PCDHA11: variants seen among roughly 807,000 people sequenced by gnomAD.
PCDHA11 encodes the protein protocadherin alpha-11.
In PCDHA11, 61 loss-of-function variants were observed where a neutral mutation model predicts 70.3. That is an observed-to-expected ratio of 0.87 (90% confidence interval 0.71 to 1.07). PCDHA11 has a LOEUF of 1.07. Among genes scored for constraint, PCDHA11 ranks in the 50% least tolerant of loss-of-function variants. PCDHA11 has a pLI of 0.00. For missense variants in PCDHA11, 1,324 were observed against 1,237.5 expected (o/e 1.07, Z -1.05); for synonymous variants, 633 against 555.1 (o/e 1.14, Z -1.97).
chr5:140,974,744 T>A (rs966437450), intron 1 of PCDHA11, among the ~76,000 whole-genome samples: 11 of 152,144 alleles, frequency 7.2e-5, no homozygotes, highest in African/African-American at 2.4e-4. Context: ...CACCTTGGCC[T>A]CCCAAAGTGC....
At chr5:140,969,170 G>A in intron 1 of PCDHA11, 1 of 1,614,114 alleles carries the variant, frequency 6.2e-7, no homozygotes. Flanking sequence ...AGCAGGCTCA[G>A]GGAGTGACAC....
intron 1 of PCDHA11, chr5:140,966,420 G>C (rs2096000872): frequency 2.4e-6 from 1 of 421,302 alleles, no homozygotes; most frequent in South Asian, 1.0e-4. Flanking sequence ...AGCAGGACTT[G>C]CTGAGCCCTC....
Position 140,921,480 on chromosome 5 carries a change from A to G in PCDHA11, c.2391+49986A>G, listed in dbSNP as rs201609452. On this transcript the variant is annotated intron_variant, in intron 1 of 3. Coordinates refer to ENST00000398640, the MANE Select transcript of PCDHA11 (RefSeq NM_018902.5). ...CCTGCAACCACTACCAAACCACTCT[A>G]CCTGAGATTAGTTTATTAGATAGTG... 4.8e-4 allele frequency among the ~76,000 whole-genome samples: 73 copies of G among 152,306 alleles called. No homozygotes were observed. In the East Asian group the frequency reaches 0.011, roughly 22 times the overall value.
rs1422466475 is a variant in PCDHA11 at position 140,877,665 on chromosome 5, G to A, written c.2391+6171G>A. 5.0e-6 allele frequency: 8 copies of A among 1,613,522 alleles called. No homozygotes were observed. In the African/African-American group the frequency reaches 8.0e-5, roughly 16 times the overall value. On this transcript the variant is annotated intron_variant, in intron 1 of 3. Coordinates refer to ENST00000398640, the MANE Select transcript of PCDHA11 (RefSeq NM_018902.5). ...GCTCAGCGCCGCCCACCGTGAGCCGGTGCGCGCCGGGCAAGCCCACGCTGG... is the reference window on the plus strand; with the variant it reads ...GCTCAGCGCCGCCCACCGTGAGCCGATGCGCGCCGGGCAAGCCCACGCTGG...
intron 1 of PCDHA11, chr5:140,927,103 C>T: frequency 6.2e-7 from 1 of 1,613,768 alleles, no homozygotes; most frequent in Non-Finnish European, 8.5e-7. Flanking sequence ...GGTGGATCTA[C>T]CCAGCGGCAA....
chr5:140,932,637 T>G (rs1554209011), intron 1 of PCDHA11, among the ~76,000 whole-genome samples: 2 of 151,870 alleles, frequency 1.3e-5, no homozygotes, highest in Non-Finnish European at 3.0e-5. Flanking sequence ...TAAAAAACTT[T>G]AGAATGATGA....
intron 1 of PCDHA11, among the ~76,000 whole-genome samples, chr5:140,908,772 A>G (rs2074146123): frequency 6.6e-6 from 1 of 152,144 alleles, no homozygotes; most frequent in East Asian, 1.9e-4. Flanking sequence ...CGTGTTGTAG[A>G]GTCTTCTCCT....
intron 1 of PCDHA11, among the ~76,000 whole-genome samples, chr5:140,915,068 ACTGAGTAG>A (rs2076964271): frequency 1.3e-5 from 2 of 150,322 alleles, no homozygotes; most frequent in South Asian, 4.2e-4. Context: ...GCCTTAGCCT[ACTGAGTAG>A]CTGGGACTAT....
Position 140,993,501 on chromosome 5 carries a change from C to CAT in PCDHA11, c.2539+10939_2539+10940insTA, listed in dbSNP as rs1159844142. Among the ~76,000 whole-genome samples the CAT allele has an allele frequency of 9.9e-4, 148 of 149,100 alleles. 5 individuals carry two copies. In the East Asian group the frequency reaches 0.024, roughly 24 times the overall value. On this transcript the variant is annotated intron_variant, in intron 3 of 3. Transcript: ENST00000398640. ...ACACACACACACACACACACACACA[C>CAT]ACACACACGGGGAGAGAGAGACAGA...
chr5:141,001,370 T>G (rs1187805238), intron 3 of PCDHA11, among the ~76,000 whole-genome samples: 1 of 152,218 alleles, frequency 6.6e-6, no homozygotes, highest in African/African-American at 2.4e-5. Context: ...ACTATTCTGA[T>G]TACAGAGCCT....
chr5:140,971,547 C>T (rs904044424), intron 1 of PCDHA11, among the ~76,000 whole-genome samples: 3 of 152,074 alleles, frequency 2.0e-5, no homozygotes, highest in Non-Finnish European at 4.4e-5. Flanking sequence ...GCCAGATCAA[C>T]CTGTTAAATT....
intron 1 of PCDHA11, among the ~76,000 whole-genome samples, chr5:140,961,708 A>C (rs2095630610): frequency 6.6e-6 from 1 of 152,204 alleles, no homozygotes; most frequent in Non-Finnish European, 1.5e-5. Flanking sequence ...GAATGCCTTC[A>C]TTTCTAAGTG....
intron 3 of PCDHA11, among the ~76,000 whole-genome samples, chr5:140,995,529 C>T (rs1191657600): frequency 6.6e-6 from 1 of 152,078 alleles, no homozygotes. Context: ...GAAATCAAAC[C>T]TCAAATAAGG....
intron 1 of PCDHA11, chr5:140,876,222 G>T (rs923525457): frequency 6.2e-7 from 1 of 1,613,972 alleles, no homozygotes; most frequent in Non-Finnish European, 8.5e-7. Flanking sequence ...ATAAAGTAGT[G>T]TTGTCTGAAA....
At chr5:140,942,580 G>A (rs782743450) in intron 1 of PCDHA11, among the ~76,000 whole-genome samples, 4 of 151,104 alleles carry the variant, frequency 2.6e-5, no homozygotes, top group Non-Finnish European at 5.9e-5. Flanking sequence ...TCCCATATAG[G>A]ATGTCACATA....
intron 3 of PCDHA11, among the ~76,000 whole-genome samples, chr5:140,997,129 C>A (rs983112049): frequency 6.6e-6 from 1 of 151,976 alleles, no homozygotes; most frequent in Non-Finnish European, 1.5e-5. Flanking sequence ...ATACACAATG[C>A]CCCCACACCC....
chr5:141,007,679 T>A (rs1362984196), intron 3 of PCDHA11, among the ~76,000 whole-genome samples: 2 of 152,186 alleles, frequency 1.3e-5, no homozygotes, highest in Admixed American at 6.5e-5. Context: ...ACAAAAGTTA[T>A]CCTACTTCCA....
intron 1 of PCDHA11, chr5:140,877,965 G>A (rs1049843517): frequency 1.8e-5 from 23 of 1,304,904 alleles, no homozygotes; most frequent in Non-Finnish European, 2.2e-5. Context: ...CATCTTTCTT[G>A]GTCATTCTTA....
chr5:140,876,837 C>G (rs782753877), intron 1 of PCDHA11: 3 of 1,614,148 alleles, frequency 1.9e-6, no homozygotes, highest in African/African-American at 1.3e-5. Context: ...CGCCTGCGTT[C>G]GCGCAGCCCG....
Sources: allele counts gnomAD v4.1 joint callset (sites outside exome capture counted in the v4.1 genomes callset), GRCh38; gene constraint gnomAD v4.1.1; transcripts MANE v1.5; gene names NCBI Gene and HGNC (gene_info 2026-07-23, HGNC 2026-07-21).